The following CALD1 variants were observed in gnomAD, a reference collection of about 807,000 sequenced individuals.
CALD1 encodes caldesmon 1.
In CALD1, 33 loss-of-function variants were observed where a neutral mutation model predicts 99.9. That is an observed-to-expected ratio of 0.33 (90% CI 0.25 to 0.44). The LOEUF (loss-of-function observed/expected upper bound fraction) is 0.44, where lower values mean the gene tolerates loss of function less well. CALD1 is among the 20% of genes least tolerant of loss of function. CALD1 has a pLI of 1.00. For missense variants in CALD1, 861 were observed against 962.1 expected, an observed-to-expected ratio of 0.89 and a Z score of 1.39; for synonymous variants, 310 against 325.0, an observed-to-expected ratio of 0.95 and a Z score of 0.50.
chr7:134,931,816 CT>C (rs1805542325), intron 4 of CALD1, among the ~76,000 whole-genome samples: 1 of 152,140 alleles, frequency 6.6e-6, no homozygotes, highest in Non-Finnish European at 1.5e-5. Flanking sequence ...CCTTTTTCCA[CT>C]GTAGAAAAGA....
At chr7:134,958,153 A>G (rs763023138) in intron 10 of CALD1, 41 bp downstream of exon 10, 47 of 1,607,904 alleles carry the variant, frequency 2.9e-5, no homozygotes, top group Non-Finnish European at 3.8e-5. Context: ...ATCAGCTAGC[A>G]TATGTATGAG....
intron 3 of CALD1, among the ~76,000 whole-genome samples, chr7:134,901,338 G>C (rs1483556437): frequency 6.6e-6 from 1 of 151,972 alleles, no homozygotes; most frequent in Non-Finnish European, 1.5e-5. Context: ...ATCTCTCTGA[G>C]TTTCTCAGCT....
At chr7:134,924,525 CT>C (rs1804848096) in intron 3 of CALD1, among the ~76,000 whole-genome samples, 1 of 152,104 alleles carries the variant, frequency 6.6e-6, no homozygotes, top group South Asian at 2.1e-4. Flanking sequence ...ATTTTCACCC[CT>C]ATCAAGTCAT....
chr7:134,891,318 G>C, intron 3 of CALD1: 1 of 1,095,260 alleles, frequency 9.1e-7, no homozygotes, highest in East Asian at 4.0e-5. Flanking sequence ...AGTGCTCTCT[G>C]ATCGCTAAAC....
intron 3 of CALD1, chr7:134,928,113 G>T (rs1257874847): frequency 1.3e-5 from 4 of 317,100 alleles, no homozygotes; most frequent in Non-Finnish European, 2.6e-5. Flanking sequence ...TTTATTTTTG[G>T]TTCAATACTT....
At chr7:134,811,433 T>C (rs1018247915) in intron 1 of CALD1, among the ~76,000 whole-genome samples, 1 of 152,212 alleles carries the variant, frequency 6.6e-6, no homozygotes, top group Non-Finnish European at 1.5e-5. Context: ...AAATTATCCC[T>C]GCTCACATCT....
intron 1 of CALD1, among the ~76,000 whole-genome samples, chr7:134,796,730 C>T (rs1797757795): frequency 6.6e-6 from 1 of 152,096 alleles, no homozygotes; most frequent in Admixed American, 6.6e-5. Context: ...AAACCACAGA[C>T]ACAGCACCAT....
intron 5 of CALD1, 146 bp downstream of exon 5, chr7:134,934,223 T>A: frequency 8.2e-7 from 1 of 1,222,606 alleles, no homozygotes. Flanking sequence ...GCCATAGCGA[T>A]ACACAAGCAT....
intron 9 of CALD1, among the ~76,000 whole-genome samples, chr7:134,955,541 G>T (rs986218228): frequency 6.6e-6 from 1 of 152,224 alleles, no homozygotes; most frequent in Non-Finnish European, 1.5e-5. Context: ...TTCAGTTTCT[G>T]GTGAGAGCCC....
chr7:134,915,991 G>A (rs1746685036), intron 3 of CALD1, among the ~76,000 whole-genome samples: 1 of 152,192 alleles, frequency 6.6e-6, no homozygotes, highest in Admixed American at 6.5e-5. Context: ...ATGAGCAGTG[G>A]TTGACTGCCA....
chr7:134,857,611 A>G (rs1278777436), intron 2 of CALD1, among the ~76,000 whole-genome samples: 1 of 152,148 alleles, frequency 6.6e-6, no homozygotes, highest in Non-Finnish European at 1.5e-5. Flanking sequence ...AGAGGAAGCA[A>G]TCTAAGTACT....
intron 3 of CALD1, among the ~76,000 whole-genome samples, chr7:134,919,334 G>C (rs994761886): frequency 6.6e-6 from 1 of 152,132 alleles, no homozygotes; most frequent in Non-Finnish European, 1.5e-5. Flanking sequence ...GGATGTTCCA[G>C]TCATAATGAT....
At chr7:134,846,104 T>A (rs1302269477) in intron 2 of CALD1, among the ~76,000 whole-genome samples, 2 of 152,166 alleles carry the variant, frequency 1.3e-5, no homozygotes, top group African/African-American at 4.8e-5. Flanking sequence ...ATTTTCTTCA[T>A]CAGCCAATCA....
In CALD1 at chr7:134,933,795, G is replaced by C; in HGVS notation, c.1026G>C (p.Arg342Ser). ...KEEEKRAAEERQRIKEEEKRA... is the reference protein window; with the variant it reads ...KEEEKRAAEESQRIKEEEKRA... ...AAGAGAAAAGGGCAGCAGAGGAGAGGCAGAGGATAAAGGAGGAAGAGAAAA... is the reference window on the plus strand; with the variant it reads ...AAGAGAAAAGGGCAGCAGAGGAGAGCCAGAGGATAAAGGAGGAAGAGAAAA... The change falls in exon 5 of 15, where the codon AGG becomes AGC. Residue 342 changes from arginine to serine, a missense_variant. Physicochemically the swap from Arg to Ser is moderately radical, Grantham distance 110. Transcript: ENST00000361675. 1 of 1,553,306 alleles carries C rather than the reference G, an allele frequency of 6.4e-7. No individual in the cohort carries two copies.
intron 13 of CALD1, among the ~76,000 whole-genome samples, chr7:134,964,427 T>G (rs1226223281): frequency 6.6e-6 from 1 of 152,148 alleles, no homozygotes; most frequent in Non-Finnish European, 1.5e-5. Flanking sequence ...GAACACATAC[T>G]TCAGAGTTAC....
intron 1 of CALD1, among the ~76,000 whole-genome samples, chr7:134,754,765 C>A (rs966931143): frequency 2.1e-5 from 3 of 144,076 alleles, no homozygotes; most frequent in African/African-American, 7.7e-5. Context: ...TAACTATGGA[C>A]AAATAAGCTG....
At chr7:134,917,477 T>C (rs1804298123) in intron 3 of CALD1, among the ~76,000 whole-genome samples, 1 of 152,150 alleles carries the variant, frequency 6.6e-6, no homozygotes, top group African/African-American at 2.4e-5. Flanking sequence ...GCCACTTGAG[T>C]ACCTGGGATT....
intron 1 of CALD1, among the ~76,000 whole-genome samples, chr7:134,796,624 T>A (rs1237736003): frequency 6.6e-6 from 1 of 152,106 alleles, no homozygotes; most frequent in Non-Finnish European, 1.5e-5. Context: ...CTCACTCTGT[T>A]GCCCAGGCTG....
Position 134,842,383 on chromosome 7 carries a change from C to G in CALD1, c.-129-1501C>G, listed in dbSNP as rs1401399218. 5.3e-5 allele frequency among the ~76,000 whole-genome samples: 8 copies of G among 152,354 alleles called. No individual in the cohort carries two copies. In the East Asian group the frequency reaches 1.5e-3, roughly 29 times the overall value. ...AATAATGTGTGCAATGTGCTTAGCA[C>G]AGGGCCTACCACTGAAAAATACTTA... On this transcript the variant is annotated intron_variant, in intron 1 of 14. Transcript: ENST00000361675.
Sources: allele counts gnomAD v4.1 joint callset (sites outside exome capture counted in the v4.1 genomes callset), GRCh38; gene constraint gnomAD v4.1.1; transcripts MANE v1.5; gene names NCBI Gene and HGNC (gene_info 2026-07-23, HGNC 2026-07-21).